FRMD4A: variants seen among roughly 807,000 people sequenced by gnomAD.
FRMD4A encodes the protein FERM domain-containing protein 4A.
A neutral mutation model predicts 129.1 loss-of-function variants in FRMD4A; 29 were observed. The observed-to-expected ratio is 0.22, with a 90% CI of 0.17 to 0.31. The LOEUF is 0.31. Among genes scored for constraint, FRMD4A ranks in the 10% least tolerant of loss-of-function variants. The pLI is 1.00. For missense variants in FRMD4A, 1,272 were observed against 1,375.8 expected, an observed-to-expected ratio of 0.92 and a Z score of 1.19; for synonymous variants, 634 against 571.6, an observed-to-expected ratio of 1.11 and a Z score of -1.56.
intron 2 of FRMD4A, among the ~76,000 whole-genome samples, chr10:13,962,906 A>G (rs2095455221): frequency 6.6e-6 from 1 of 152,246 alleles, no homozygotes; most frequent in African/African-American, 2.4e-5. Context: ...AAGGAGAATG[A>G]AAATATCCCT....
chr10:13,750,109 G>GAAAGAAAGAAATAAAGAAAGA (rs59377985), intron 8 of FRMD4A, among the ~76,000 whole-genome samples: 2 of 73,578 alleles, frequency 2.7e-5, no homozygotes, highest in African/African-American at 1.2e-4. Context: ...AGAAAGAAAT[G>GAAAGAAAGAAATAAAGAAAGA]AAGAAAGAAA....
At chr10:14,095,468 G>C (rs143814154) in intron 2 of FRMD4A, among the ~76,000 whole-genome samples, 129 of 152,336 alleles carry the variant, frequency 8.5e-4, no homozygotes, top group African/African-American at 3.0e-3. Context: ...GAATTGGAAG[G>C]CTTGAACTAT....
At chr10:13,843,923 G>A (rs1419209417) in intron 3 of FRMD4A, among the ~76,000 whole-genome samples, 1 of 152,172 alleles carries the variant, frequency 6.6e-6, no homozygotes, top group Non-Finnish European at 1.5e-5. Flanking sequence ...AACTTACCTC[G>A]AATTAACTGC....
At chr10:14,202,347 G>C (rs1020586944) in intron 2 of FRMD4A, among the ~76,000 whole-genome samples, 1 of 152,120 alleles carries the variant, frequency 6.6e-6, no homozygotes, top group African/African-American at 2.4e-5. Context: ...GGTCTGAATA[G>C]GAATAGTGGT....
At chr10:13,796,701 C>G in intron 4 of FRMD4A, 113 bp from the exon 5 acceptor site, 2 of 627,118 alleles carry the variant, frequency 3.2e-6, no homozygotes, top group Non-Finnish European at 5.8e-6. Context: ...TTTGAACCTT[C>G]ACCTTATTTT....
chr10:13,932,596 C>T (rs968624382), intron 2 of FRMD4A, among the ~76,000 whole-genome samples: 4 of 152,150 alleles, frequency 2.6e-5, no homozygotes, highest in East Asian at 1.9e-4. Flanking sequence ...TCATTTTCAA[C>T]TTATACCCAT....
rs1402529987 is a variant in FRMD4A at position 13,994,065 on chromosome 10, A to C, written c.46-135153T>G. On this transcript the variant is annotated intron_variant, in intron 2 of 24. Transcript: ENST00000357447. The stretch of plus-strand genomic sequence containing the variant: ...TGCTTCGTTGCCCAGGCTGGAGTGC[A>C]GTGATGCGATCTTGGCTCACTGCAA... Among the ~76,000 whole-genome samples the C allele has an allele frequency of 2.7e-5, 4 of 146,768 alleles. No individual in the cohort carries two copies. In the South Asian group the frequency reaches 8.9e-4, roughly 33 times the overall value.
chr10:14,319,617 C>T (rs1846898170), intron 2 of FRMD4A, among the ~76,000 whole-genome samples: 1 of 152,170 alleles, frequency 6.6e-6, no homozygotes, highest in South Asian at 2.1e-4. Context: ...TGATTGGGTA[C>T]AAACACTGTC....
chr10:14,218,954 TCAAAAAAAAAAAAAAAAAAAAAAA>T, intron 2 of FRMD4A, among the ~76,000 whole-genome samples: 1 of 53,946 alleles, frequency 1.9e-5, no homozygotes. Context: ...AGACTTCATC[TCAAAAAAAAAAAAAAAAAAAAAAA>T]AAAAAAAAAA....
intron 2 of FRMD4A, among the ~76,000 whole-genome samples, chr10:14,006,743 C>G (rs773189222): frequency 1.3e-5 from 2 of 152,174 alleles, no homozygotes; most frequent in Non-Finnish European, 2.9e-5. Flanking sequence ...TTCACTAACA[C>G]CTAACATCAC....
At chr10:13,769,870 T>C (rs1231003396) in intron 6 of FRMD4A, among the ~76,000 whole-genome samples, 2 of 152,140 alleles carry the variant, frequency 1.3e-5, no homozygotes, top group African/African-American at 4.8e-5. Flanking sequence ...GACTGGGACT[T>C]ATACCACTGG....
At chr10:14,310,417 G>C (rs1424333849) in intron 2 of FRMD4A, among the ~76,000 whole-genome samples, 1 of 152,186 alleles carries the variant, frequency 6.6e-6, no homozygotes, top group Non-Finnish European at 1.5e-5. Context: ...AGCAGCCCCA[G>C]AGTAATTTCT....
At chr10:13,886,375 A>T (rs532152786) in intron 2 of FRMD4A, among the ~76,000 whole-genome samples, 1 of 152,234 alleles carries the variant, frequency 6.6e-6, no homozygotes, top group East Asian at 1.9e-4. Flanking sequence ...GTTTTGGCTA[A>T]TTTGAAGTGC....
At chr10:13,925,958 A>G (rs1364737905) in intron 2 of FRMD4A, among the ~76,000 whole-genome samples, 2 of 148,370 alleles carry the variant, frequency 1.3e-5, no homozygotes, top group Non-Finnish European at 3.0e-5. Context: ...GTACATTTAT[A>G]TGATTGATTG....
chr10:13,662,976 C>T (rs967304896), intron 19 of FRMD4A, among the ~76,000 whole-genome samples: 1 of 151,864 alleles, frequency 6.6e-6, no homozygotes, highest in Non-Finnish European at 1.5e-5. Context: ...TTTGGGAGGC[C>T]GAGGTGGGTG....
At chr10:14,222,924 C>A (rs930513380) in intron 2 of FRMD4A, among the ~76,000 whole-genome samples, 6 of 152,104 alleles carry the variant, frequency 3.9e-5, no homozygotes, top group Non-Finnish European at 7.4e-5. Flanking sequence ...CCTATCTTTA[C>A]TAAAAATACA....
At position 13,656,694 on chromosome 10, in the gene FRMD4A, G is replaced by A. The variant is rs769499770; in HGVS notation, c.2895C>T (p.Ser965=). 2 of 1,570,888 alleles carry A rather than the reference G, an allele frequency of 1.3e-6. No homozygotes were observed. The highest frequency in any genetic ancestry group is 1.7e-6 in the Non-Finnish European group (2 of 1,158,942). ...TGACCCTGCTGTGCGCCACGAAGGT[G>A]CTCTGGGAGGAGGTGCTGTACTGCG... ...SGSQYSTSSQ[S]TFVAHSRVTR... Residue 965 remains serine, a synonymous_variant, in exon 22 of 25, where the codon AGC becomes AGT. Coordinates refer to ENST00000357447, the MANE Select transcript of FRMD4A (RefSeq NM_018027.5).
At chr10:13,664,910 T>C (rs2082900476) in intron 18 of FRMD4A, among the ~76,000 whole-genome samples, 1 of 152,074 alleles carries the variant, frequency 6.6e-6, no homozygotes, top group South Asian at 2.1e-4. Context: ...GAGATAGAGT[T>C]TCGCTCTTGT....
intron 2 of FRMD4A, among the ~76,000 whole-genome samples, chr10:14,162,102 A>AT (rs914815179): frequency 6.6e-6 from 1 of 151,832 alleles, no homozygotes; most frequent in East Asian, 1.9e-4. Flanking sequence ...AAATTAAGGT[A>AT]TTTTTTATAT....
Sources: allele counts gnomAD v4.1 joint callset (sites outside exome capture counted in the v4.1 genomes callset), GRCh38; gene constraint gnomAD v4.1.1; transcripts MANE v1.5; gene names NCBI Gene and HGNC (gene_info 2026-07-23, HGNC 2026-07-21).